The following NTN4 variants were observed in gnomAD, a reference collection of about 807,000 sequenced individuals.
The protein encoded by NTN4 is netrin 4.
In NTN4, 32 loss-of-function variants were observed where a neutral mutation model predicts 73.6. The ratio of observed to expected loss-of-function variants is 0.44; its 90% confidence interval spans 0.33 to 0.58. The LOEUF (loss-of-function observed/expected upper bound fraction) is 0.58. NTN4 is among the 20% of genes least tolerant of loss of function. The pLI, the probability that NTN4 is intolerant of heterozygous loss-of-function variation, is 0.04. For synonymous variants in NTN4, 258 were observed against 287.5 expected (o/e 0.90, Z 1.04); for missense variants, 654 against 798.3 (o/e 0.82, Z 2.18).
At chr12:95,668,143 G>GTT (rs36080777) in intron 8 of NTN4, among the ~76,000 whole-genome samples, 107 of 136,266 alleles carry the variant, frequency 7.9e-4, no homozygotes, top group Middle Eastern at 3.8e-3. Context: ...TAAGTCAAGT[G>GTT]TTTTTTTTTT....
At chr12:95,756,218 T>C (rs1565909383) in intron 2 of NTN4, among the ~76,000 whole-genome samples, 1 of 152,222 alleles carries the variant, frequency 6.6e-6, no homozygotes, top group African/African-American at 2.4e-5. Context: ...AAATATTATA[T>C]ATGATTGATA....
chr12:95,680,918 G>A (rs1037723230), intron 7 of NTN4, among the ~76,000 whole-genome samples: 6 of 152,016 alleles, frequency 3.9e-5, no homozygotes, highest in East Asian at 3.9e-4. Context: ...GGCCGGGCGC[G>A]GTGGCTCACG....
intron 5 of NTN4, among the ~76,000 whole-genome samples, chr12:95,702,792 T>C (rs1356528025): frequency 6.6e-6 from 1 of 151,998 alleles, no homozygotes; most frequent in Non-Finnish European, 1.5e-5. Flanking sequence ...GAGCTACAAC[T>C]TATGTGCTTC....
chr12:95,741,321 ATATT>A lies in NTN4; in HGVS notation c.586-3181_586-3178del, dbSNP rs1016646040. 5.5e-5 allele frequency among the ~76,000 whole-genome samples: 8 copies of A among 146,278 alleles called. No homozygotes were observed. In the East Asian group the frequency reaches 5.9e-4, roughly 11 times the overall value. The stretch of plus-strand genomic sequence containing the variant: ...TGAATTATATATGATATATAATTAT[ATATT>A]TATTATATATTAAATACAATTATAT... On this transcript the variant is annotated intron_variant, in intron 2 of 9. Transcript: ENST00000343702.
intron 2 of NTN4, among the ~76,000 whole-genome samples, chr12:95,760,095 T>C (rs1183688161): frequency 6.6e-6 from 1 of 152,220 alleles, no homozygotes; most frequent in East Asian, 1.9e-4. Flanking sequence ...TGTTTTGATA[T>C]GCAGTTAATT....
chr12:95,729,848 G>A (rs1442172433), intron 3 of NTN4, among the ~76,000 whole-genome samples: 1 of 152,104 alleles, frequency 6.6e-6, no homozygotes, highest in East Asian at 1.9e-4. Flanking sequence ...CACGATTTGT[G>A]CACCAGAAGT....
intron 8 of NTN4, among the ~76,000 whole-genome samples, chr12:95,667,236 C>T (rs2120928328): frequency 6.7e-6 from 1 of 149,060 alleles, no homozygotes; most frequent in East Asian, 2.0e-4. Flanking sequence ...GTCATCCAGG[C>T]TGGAGTACAA....
chr12:95,679,339 T>C (rs1197983864), intron 7 of NTN4, among the ~76,000 whole-genome samples: 1 of 152,202 alleles, frequency 6.6e-6, no homozygotes, highest in Non-Finnish European at 1.5e-5. Context: ...AAGACACAGA[T>C]CCATTCATGT....
In NTN4 at chr12:95,710,644, C is replaced by T. The variant is rs1258853744; in HGVS notation, c.992-15G>A. 13 of 1,606,138 alleles carry T rather than the reference C, an allele frequency of 8.1e-6. No homozygotes were observed. Among genetic ancestry groups the T allele is most frequent in the Middle Eastern group, 1.7e-4 (1 of 6,056 alleles). On this transcript the variant is annotated splice_polypyrimidine_tract_variant and intron_variant, in intron 4 of 9. Transcript: ENST00000343702. ...ACACTTGCAGGCTGGAAATAAGAAGCGTGGAGAGAAACACTAATAAGTAAA... is the reference window on the plus strand; with the variant it reads ...ACACTTGCAGGCTGGAAATAAGAAGTGTGGAGAGAAACACTAATAAGTAAA...
chr12:95,744,283 T>C (rs949939121), intron 2 of NTN4, among the ~76,000 whole-genome samples: 1 of 152,232 alleles, frequency 6.6e-6, no homozygotes, highest in East Asian at 1.9e-4. Context: ...CAATATTCTT[T>C]GATCTAAAAT....
Position 95,683,593 on chromosome 12 carries a change from C to A in NTN4, c.1299G>T (p.Arg433Ser), listed in dbSNP as rs766485959. 1.2e-6 allele frequency: 2 copies of A among 1,614,212 alleles called. No homozygotes were observed. The highest frequency in any genetic ancestry group is 8.5e-7 in the Non-Finnish European group (1 of 1,180,032). The change falls in exon 6 of 10, where the codon AGG becomes AGT. Residue 433 changes from arginine (R) to serine (S), a missense_variant. Transcript: ENST00000343702. ...CGAAGCCCCAGTATCCCACCATGCA[C>A]CTGTCACAACGTCGCCCTGCCACCC... The part of the protein sequence containing the change: ...KPGVAGRRCD[R>S]CMVGYWGFGD...
intron 2 of NTN4, among the ~76,000 whole-genome samples, chr12:95,743,393 G>T (rs1026233412): frequency 6.6e-6 from 1 of 152,090 alleles, no homozygotes; most frequent in Non-Finnish European, 1.5e-5. Flanking sequence ...GGAAAACTTA[G>T]ATCATTGATT....
At chr12:95,767,159 C>T (rs2079026039) in intron 2 of NTN4, among the ~76,000 whole-genome samples, 1 of 152,040 alleles carries the variant, frequency 6.6e-6, no homozygotes, top group Admixed American at 6.6e-5. Context: ...TCCCTTTCTT[C>T]CCCACCCCTC....
At chr12:95,680,632 C>T (rs2078307957) in intron 7 of NTN4, among the ~76,000 whole-genome samples, 1 of 152,226 alleles carries the variant, frequency 6.6e-6, no homozygotes, top group Non-Finnish European at 1.5e-5. Context: ...ATGGTATATT[C>T]ACATAACCGC....
intron 2 of NTN4, among the ~76,000 whole-genome samples, chr12:95,758,385 G>A (rs917710784): frequency 6.6e-6 from 1 of 152,096 alleles, no homozygotes; most frequent in Non-Finnish European, 1.5e-5. Flanking sequence ...CTGGTGAAGT[G>A]TCTGTTCAAA....
intron 9 of NTN4, among the ~76,000 whole-genome samples, chr12:95,661,481 TCA>T (rs1318491623): frequency 1.3e-5 from 2 of 152,222 alleles, no homozygotes; most frequent in Non-Finnish European, 2.9e-5. Flanking sequence ...CTACATAATA[TCA>T]CACTCACTCT....
In NTN4 at chr12:95,770,187, G is replaced by C. The variant is rs145837887; in HGVS notation, c.585+16752C>G. ...AGAAGTGGAAATTAGAAAGAAAAAT[G>C]GCCAGAAGCAACAAATGGGAATGAG... On this transcript the variant is annotated intron_variant, in intron 2 of 9. Coordinates refer to ENST00000343702, the MANE Select transcript of NTN4 (RefSeq NM_021229.4). Among the ~76,000 whole-genome samples, 440 of 152,272 alleles carry C rather than the reference G, an allele frequency of 2.9e-3. 1 individual carries two copies. The highest frequency in any genetic ancestry group is 6.3e-3 in the Admixed American group (96 of 15,294).
At chr12:95,782,792 T>G (rs1228822821) in intron 2 of NTN4, among the ~76,000 whole-genome samples, 1 of 152,068 alleles carries the variant, frequency 6.6e-6, no homozygotes, top group Non-Finnish European at 1.5e-5. Flanking sequence ...TAATAGAGAG[T>G]TAATAGAGCA....
intron 7 of NTN4, chr12:95,672,984 C>CAGGT: frequency 1.7e-6 from 2 of 1,173,694 alleles, no homozygotes; most frequent in Non-Finnish European, 2.6e-6. Context: ...CGAAGCCCAT[C>CAGGT]AGGTGCATGG....
Sources: gnomAD v4.1 joint callset for allele counts (sites outside exome capture counted in the v4.1 genomes callset) on GRCh38, gnomAD v4.1.1 for gene constraint, MANE v1.5 for transcripts, NCBI Gene and HGNC (gene_info 2026-07-23, HGNC 2026-07-21) for gene names.